Variants in SYNE2 observed in about 807,000 individuals in gnomAD.
The protein encoded by SYNE2 is nesprin-2.
A neutral mutation model predicts 856.3 loss-of-function variants in SYNE2; 431 were observed. The ratio of observed to expected loss-of-function variants is 0.50; its 90% confidence interval spans 0.47 to 0.55. SYNE2 has a LOEUF of 0.55. Ranked by LOEUF, SYNE2 falls within the 20% of genes least tolerant of loss-of-function variation. The pLI, the probability that SYNE2 is intolerant of heterozygous loss-of-function variation, is 0.00. For missense variants in SYNE2, 8,129 were observed against 8,023.2 expected (o/e 1.01, Z -0.50); for synonymous variants, 2,923 against 2,872.3 (o/e 1.02, Z -0.56).
chr14:63,976,530 AG>A (rs1302626748), intron 11 of SYNE2, 32 bp from the exon 12 acceptor site: 1 of 1,581,222 alleles, frequency 6.3e-7, no homozygotes, highest in Non-Finnish European at 8.6e-7. Flanking sequence ...GTTCTACTGA[AG>A]AATATGTTCT....
At chr14:63,992,918 C>T (rs192630539) in intron 21 of SYNE2, among the ~76,000 whole-genome samples, 1 of 152,336 alleles carries the variant, frequency 6.6e-6, no homozygotes, top group East Asian at 1.9e-4. Flanking sequence ...AGCGAATTCC[C>T]ACCCTGCTTA....
intron 85 of SYNE2, among the ~76,000 whole-genome samples, chr14:64,155,427 C>A (rs961700955): frequency 1.5e-4 from 23 of 152,182 alleles, no homozygotes; most frequent in African/African-American, 5.3e-4. Context: ...AGACAGAAGG[C>A]AGATTAGTGG....
At chr14:63,843,118 C>A (rs2139934845) in intron 1 of SYNE2, among the ~76,000 whole-genome samples, 1 of 152,148 alleles carries the variant, frequency 6.6e-6, no homozygotes, top group South Asian at 2.1e-4. Context: ...CTCACTGCAA[C>A]CTCTACCTCC....
At position 64,202,788 on chromosome 14, in the gene SYNE2, C is replaced by A. The variant is rs763230839; in HGVS notation, c.18039-13C>A. ...TTTTTTGTTTCGTTTTGTTTTTCTG[C>A]AAATATGTGTAGGGTGAAGAAGCTG... On this transcript the variant is annotated splice_polypyrimidine_tract_variant and intron_variant, in intron 99 of 115. Coordinates refer to ENST00000555002, the MANE Select transcript of SYNE2 (RefSeq NM_182914.3). 8 of 1,613,856 alleles carry A rather than the reference C, an allele frequency of 5.0e-6. No homozygotes were observed. The Admixed American group carries it at 1.0e-4, about 20-fold the overall frequency.
intron 7 of SYNE2, among the ~76,000 whole-genome samples, chr14:63,951,697 T>G (rs1184565423): frequency 6.6e-6 from 1 of 152,248 alleles, no homozygotes. Context: ...GTACATTAAA[T>G]GAACTGTTTC....
intron 101 of SYNE2, 175 bp downstream of exon 101, chr14:64,209,120 A>G (rs1596240092): frequency 2.1e-6 from 2 of 947,550 alleles, no homozygotes; most frequent in East Asian, 5.2e-5. Context: ...AACCGGAGTA[A>G]TGTCTCTCCC....
chr14:64,179,620 T>A (rs1482878021), intron 96 of SYNE2, among the ~76,000 whole-genome samples: 1 of 152,250 alleles, frequency 6.6e-6, no homozygotes, highest in Non-Finnish European at 1.5e-5. Flanking sequence ...CCAGCAGCTG[T>A]GAGATAGTAT....
At chr14:63,876,278 G>A (rs1371910729) in intron 1 of SYNE2, among the ~76,000 whole-genome samples, 1 of 150,918 alleles carries the variant, frequency 6.6e-6, no homozygotes, top group Non-Finnish European at 1.5e-5. Flanking sequence ...TTAGCGGGGT[G>A]TGTTGGCACA....
Position 64,223,493 on chromosome 14 carries a change from C to T in SYNE2, c.20382+113C>T, listed in dbSNP as rs556932220. 209 of 1,164,046 alleles carry T rather than the reference C, an allele frequency of 1.8e-4. 1 individual carries two copies. Among genetic ancestry groups the T allele is most frequent in the South Asian group, 7.2e-4 (56 of 77,584 alleles). 72.1% of individuals were successfully genotyped at this position (1,164,046 alleles called of 1,614,324 possible). A position where few individuals can be genotyped will look rare whatever the true frequency, so the allele number is the denominator to read the frequency against. ...GGCCAGAAGCAAGGGCCAGGTGGTCCGAGTGGGGCCTCATGTCGTGCCCTT... is the reference window on the plus strand; with the variant it reads ...GGCCAGAAGCAAGGGCCAGGTGGTCTGAGTGGGGCCTCATGTCGTGCCCTT... On this transcript the variant is annotated intron_variant, in intron 113 of 115. Transcript: ENST00000555002.
chr14:64,170,684 CTT>C (rs1485725155), intron 94 of SYNE2, among the ~76,000 whole-genome samples: 6 of 152,054 alleles, frequency 3.9e-5, no homozygotes, highest in African/African-American at 1.5e-4. Flanking sequence ...CTAGGGTTCT[CTT>C]GGGCCATGAG....
In SYNE2 at chr14:64,086,108, CTGTGTTTTCTTCCAGTAACTTGA is replaced by C. The variant is rs558222839; in HGVS notation, c.11485-1561_11485-1539del. 4.6e-5 allele frequency among the ~76,000 whole-genome samples: 7 copies of C among 152,294 alleles called. No homozygotes were observed. The South Asian group carries it at 1.4e-3, about 32-fold the overall frequency. On this transcript the variant is annotated intron_variant, in intron 57 of 115. Coordinates refer to ENST00000555002, the MANE Select transcript of SYNE2 (RefSeq NM_182914.3). Reference sequence around the variant, plus strand: ...AACCCAGGGTTACAAAGATTTCTTCCTGTGTTTTCTTCCAGTAACTTGATAGTTTTAACTCTTACTCTCTTAGA... The same window carrying C: ...AACCCAGGGTTACAAAGATTTCTTCCTAGTTTTAACTCTTACTCTCTTAGA...
At chr14:63,928,902 A>G (rs1463875572) in intron 2 of SYNE2, among the ~76,000 whole-genome samples, 2 of 152,176 alleles carry the variant, frequency 1.3e-5, no homozygotes, top group Non-Finnish European at 2.9e-5. Context: ...ACAGGGTCTC[A>G]TTAGCACATG....
rs2096222246 is a variant in SYNE2 at position 63,954,987 on chromosome 14, TACA to T, written c.787+73_787+75del. 7 of 1,276,192 alleles carry T rather than the reference TACA, an allele frequency of 5.5e-6. No homozygotes were observed. The African/African-American group carries it at 7.4e-5, about 13-fold the overall frequency. The allele number at this position is 1,276,192 out of a possible 1,614,324, so 79.1% of individuals were successfully genotyped here. Reference sequence around the variant, plus strand: ...GAAGTTGATTTCAAAATAGTATCTATACATGAATAAACATAGTGGCACTCTATT... The same window carrying T: ...GAAGTTGATTTCAAAATAGTATCTATTGAATAAACATAGTGGCACTCTATT... On this transcript the variant is annotated intron_variant, in intron 8 of 115. Coordinates refer to ENST00000555002, the MANE Select transcript of SYNE2 (RefSeq NM_182914.3).
chr14:64,160,462 A>G (rs896237634), intron 87 of SYNE2, among the ~76,000 whole-genome samples: 8 of 152,254 alleles, frequency 5.3e-5, no homozygotes, highest in African/African-American at 1.9e-4. Flanking sequence ...GTAAGTAGGT[A>G]GGATAGATAG....
intron 96 of SYNE2, among the ~76,000 whole-genome samples, chr14:64,178,365 C>A (rs1281845186): frequency 6.6e-6 from 1 of 152,196 alleles, no homozygotes; most frequent in East Asian, 1.9e-4. Flanking sequence ...CTAACTTCTC[C>A]TTAGAGGTGT....
At chr14:64,225,208 A>G (rs2098713638) in intron 115 of SYNE2, 111 bp from the exon 116 acceptor site, 1 of 1,581,780 alleles carries the variant, frequency 6.3e-7, no homozygotes, top group Non-Finnish European at 8.7e-7. Context: ...TGTTGGCCCT[A>G]TTTAAATCTC....
intron 1 of SYNE2, among the ~76,000 whole-genome samples, chr14:63,846,357 G>C (rs1890227217): frequency 6.6e-6 from 1 of 152,066 alleles, no homozygotes; most frequent in African/African-American, 2.4e-5. Context: ...GCTGGTTTAG[G>C]TGCATCAGTG....
At position 64,030,885 on chromosome 14, in the gene SYNE2, T is replaced by C. The variant is rs188131673; in HGVS notation, c.6880-131T>C. ...TGGTTTAAATTTTGCCAAAGTTTCT[T>C]CTATGTGATATGAGTTGTTAAGTTT... On this transcript the variant is annotated intron_variant, in intron 44 of 115. Transcript: ENST00000555002. The C allele has an allele frequency of 9.5e-4, 688 of 727,622 alleles. 7 individuals carry two copies. The Admixed American group carries it at 0.016, about 17-fold the overall frequency. The allele number at this position is 727,622 out of a possible 1,614,324, so 45.1% of individuals were successfully genotyped here.
intron 57 of SYNE2, among the ~76,000 whole-genome samples, chr14:64,082,514 G>A (rs953835103): frequency 2.3e-4 from 35 of 152,160 alleles, no homozygotes; most frequent in African/African-American, 8.2e-4. Context: ...CATGGAGCTA[G>A]GGCCCAAAGG....
Sources: gnomAD v4.1 joint callset for allele counts (sites outside exome capture counted in the v4.1 genomes callset) on GRCh38, gnomAD v4.1.1 for gene constraint, MANE v1.5 for transcripts, NCBI Gene and HGNC (gene_info 2026-07-23, HGNC 2026-07-21) for gene names.